DNAH11: variants seen among roughly 807,000 people sequenced by gnomAD.
DNAH11 encodes the protein dynein axonemal heavy chain 11, also known as axonemal beta dynein heavy chain 11.
DNAH11 carries 442 observed loss-of-function variants against 526.0 expected under a neutral mutation model. The ratio of observed to expected loss-of-function variants is 0.84; its 90% CI spans 0.78 to 0.91. DNAH11 has a LOEUF of 0.91. DNAH11 is among the 40% of genes least tolerant of loss of function. The pLI is 0.00. For missense variants in DNAH11, 6,989 were observed against 5,448.7 expected, an observed-to-expected ratio of 1.28 and a Z score of -8.90; for synonymous variants, 2,461 against 1,935.9, an observed-to-expected ratio of 1.27 and a Z score of -7.12.
intron 21 of DNAH11, among the ~76,000 whole-genome samples, chr7:21,615,625 T>C (rs1785737189): frequency 6.6e-6 from 1 of 151,982 alleles, no homozygotes; most frequent in Non-Finnish European, 1.5e-5. Context: ...CCTATGCTTA[T>C]ACTTACATGC....
intron 76 of DNAH11, among the ~76,000 whole-genome samples, chr7:21,885,300 AAG>A (rs535069253): frequency 4.7e-4 from 71 of 149,756 alleles, no homozygotes; most frequent in African/African-American, 1.7e-3. Context: ...GTTTTTTAAA[AAG>A]AGAAAAGATG....
chr7:21,823,452 C>CTAAATATTTTATTTTA (rs1790140846), intron 65 of DNAH11, among the ~76,000 whole-genome samples: 1 of 152,092 alleles, frequency 6.6e-6, no homozygotes, highest in African/African-American at 2.4e-5. Flanking sequence ...AGCCTAAATT[C>CTAAATATTTTATTTTA]ACTATATTTA....
At chr7:21,749,103 A>G (rs1023746233) in intron 52 of DNAH11, among the ~76,000 whole-genome samples, 1 of 152,174 alleles carries the variant, frequency 6.6e-6, no homozygotes, top group Non-Finnish European at 1.5e-5. Context: ...CACTAACTTC[A>G]CAAGTAAAAA....
intron 43 of DNAH11, among the ~76,000 whole-genome samples, chr7:21,719,820 A>T (rs1784807125): frequency 6.6e-6 from 1 of 152,260 alleles, no homozygotes; most frequent in South Asian, 2.1e-4. Context: ...AATAGAGATG[A>T]AAATCTATCG....
intron 55 of DNAH11, among the ~76,000 whole-genome samples, chr7:21,772,455 A>T (rs1239609012): frequency 6.6e-6 from 1 of 152,056 alleles, no homozygotes; most frequent in East Asian, 1.9e-4. Flanking sequence ...TCCCATTAAA[A>T]CAAGACAGGA....
chr7:21,771,506 A>G (rs574485766), intron 55 of DNAH11, among the ~76,000 whole-genome samples: 1 of 152,256 alleles, frequency 6.6e-6, no homozygotes, highest in Admixed American at 6.5e-5. Context: ...GCCAACTGAG[A>G]GAGTAGAAAT....
At chr7:21,790,647 G>T (rs560145389) in intron 61 of DNAH11, among the ~76,000 whole-genome samples, 3 of 152,292 alleles carry the variant, frequency 2.0e-5, no homozygotes, top group African/African-American at 7.2e-5. Context: ...GGATCGACAT[G>T]GGCTTTAGAT....
At chr7:21,848,030 G>A (rs1161931533) in intron 66 of DNAH11, among the ~76,000 whole-genome samples, 2 of 151,970 alleles carry the variant, frequency 1.3e-5, no homozygotes, top group Non-Finnish European at 2.9e-5. Flanking sequence ...AGCTGGGCGT[G>A]GTGGCGGGTG....
In DNAH11 at chr7:21,765,540, C is replaced by T. The variant is rs1308865734; in HGVS notation, c.9053C>T (p.Ala3018Val). The T allele has an allele frequency of 6.2e-7, 1 of 1,604,616 alleles. No homozygotes were observed. The highest frequency in any genetic ancestry group is 8.5e-7 in the Non-Finnish European group (1 of 1,173,470). Reference sequence around the variant, plus strand: ...TGGTTTCATGCGTGGCCGCAGGAGGCTCTGGTCTCCGTCAGCAGGAGGTTC... The same window carrying T: ...TGGTTTCATGCGTGGCCGCAGGAGGTTCTGGTCTCCGTCAGCAGGAGGTTC... Reference protein sequence around the residue: ...IDWFHAWPQEALVSVSRRFIE... With the variant: ...IDWFHAWPQEVLVSVSRRFIE... Residue 3018 changes from alanine (A) to valine (V), a missense_variant, in exon 55 of 82, where the codon GCT (alanine) becomes GTT (valine). By Grantham distance (64) the Ala-to-Val change is moderately conservative. Transcript: ENST00000409508.
At chr7:21,892,784 C>T in intron 77 of DNAH11, 117 bp downstream of exon 77, 1 of 1,170,130 alleles carries the variant, frequency 8.5e-7, no homozygotes, top group East Asian at 2.6e-5. Flanking sequence ...CTCATACAAC[C>T]ACCACCTAGA....
Position 21,901,088 on chromosome 7 carries a change from C to T in DNAH11, c.13385C>T (p.Ala4462Val), listed in dbSNP as rs776854539. 6.2e-7 allele frequency: 1 copy of T among 1,613,966 alleles called. No individual in the cohort carries two copies. Among genetic ancestry groups the T allele is most frequent in the Non-Finnish European group, 8.5e-7 (1 of 1,179,842 alleles). Residue 4462 changes from alanine (A) to valine (V), a missense_variant, in exon 82 of 82, where the codon GCA becomes GTA. By Grantham distance (64) the Ala-to-Val change is moderately conservative. Transcript: ENST00000409508. ...GCATGCCCTATGCCGGTCATCTTTG[C>T]AAAAGCCACCCCCGTGGACAGACAA... ...ELACPMPVIFAKATPVDRQET... is the reference protein window; with the variant it reads ...ELACPMPVIFVKATPVDRQET...
chr7:21,821,137 CTTCT>C (rs954479302), intron 65 of DNAH11, among the ~76,000 whole-genome samples: 2 of 152,026 alleles, frequency 1.3e-5, no homozygotes, highest in African/African-American at 4.8e-5. Flanking sequence ...TTTCTTCTGC[CTTCT>C]GTCAGGTAAA....
chr7:21,828,293 C>T (rs1438422658), intron 65 of DNAH11, among the ~76,000 whole-genome samples: 1 of 152,112 alleles, frequency 6.6e-6, no homozygotes, highest in East Asian at 1.9e-4. Flanking sequence ...GTAGTTCTCT[C>T]ATTATTTCCT....
At chr7:21,830,866 T>A (rs546038508) in intron 65 of DNAH11, among the ~76,000 whole-genome samples, 1 of 152,172 alleles carries the variant, frequency 6.6e-6, no homozygotes, top group African/African-American at 2.4e-5. Context: ...AAATATATGG[T>A]ATTTGTACTC....
intron 67 of DNAH11, among the ~76,000 whole-genome samples, chr7:21,853,941 T>G (rs1782734325): frequency 6.6e-6 from 1 of 152,174 alleles, no homozygotes; most frequent in South Asian, 2.1e-4. Context: ...GGCATTGAAT[T>G]GACCCAGCAG....
intron 30 of DNAH11, among the ~76,000 whole-genome samples, chr7:21,681,158 G>A (rs568796172): frequency 7.3e-4 from 111 of 152,244 alleles, no homozygotes; most frequent in African/African-American, 2.7e-3. Flanking sequence ...CAGGCGTGGT[G>A]GCTCATGCCT....
chr7:21,684,002 G>A (rs1021220214), intron 32 of DNAH11, 58 bp downstream of exon 32: 3 of 1,564,834 alleles, frequency 1.9e-6, no homozygotes, highest in Admixed American at 3.6e-5. Flanking sequence ...GTCCCCTAGT[G>A]TGAGAATGAA....
chr7:21,709,106 A>G (rs947038926), intron 40 of DNAH11, among the ~76,000 whole-genome samples: 10 of 152,202 alleles, frequency 6.6e-5, no homozygotes, highest in African/African-American at 2.2e-4. Context: ...AAATTGTTCT[A>G]CCAAAAAGAC....
intron 63 of DNAH11, among the ~76,000 whole-genome samples, 166 bp downstream of exon 63, chr7:21,808,215 A>G (rs1009206421): frequency 3.3e-5 from 5 of 152,174 alleles, no homozygotes; most frequent in Admixed American, 2.0e-4. Flanking sequence ...TTATTTTTAC[A>G]AAGTTCATAA....
Sources: allele counts gnomAD v4.1 joint callset (sites outside exome capture counted in the v4.1 genomes callset), GRCh38; gene constraint gnomAD v4.1.1; transcripts MANE v1.5; gene names NCBI Gene and HGNC (gene_info 2026-07-23, HGNC 2026-07-21).